Variants in PLCB4 observed in about 807,000 individuals in gnomAD.
PLCB4 encodes the protein phospholipase C beta 4.
Under a neutral mutation model 178.8 loss-of-function variants are expected in PLCB4, and 77 were observed. The ratio of observed to expected loss-of-function variants is 0.43; its 90% confidence interval spans 0.36 to 0.52. The LOEUF is 0.52. Ranked by LOEUF, PLCB4 falls within the 20% of genes least tolerant of loss-of-function variation. The pLI, the probability that PLCB4 is intolerant of heterozygous loss-of-function variation, is 0.00. For synonymous variants in PLCB4, 496 were observed against 490.8 expected (o/e 1.01, Z -0.14); for missense variants, 1,024 against 1,453.4 (o/e 0.70, Z 4.80).
In PLCB4 at chr20:9,431,590, C is replaced by A. The variant is rs151198966; in HGVS notation, c.2525-3970C>A. ...AAGCAATTCTCCTGCCTCAGCCTCC[C>A]GAGTAGCTGGGATTACAGGTGTGCA... On this transcript the variant is annotated intron_variant, in intron 28 of 39. Transcript: ENST00000378473. 9.0e-3 allele frequency among the ~76,000 whole-genome samples: 1,373 copies of A among 151,988 alleles called. 15 individuals are homozygous for A. The highest frequency in any genetic ancestry group is 0.031 in the African/African-American group (1,280 of 41,448).
chr20:9,276,388 G>C (rs922742638), intron 3 of PLCB4, among the ~76,000 whole-genome samples: 3 of 152,072 alleles, frequency 2.0e-5, no homozygotes, highest in African/African-American at 7.2e-5. Context: ...CCAGGACTCA[G>C]GTGTGGGGGC....
intron 2 of PLCB4, among the ~76,000 whole-genome samples, chr20:9,112,801 A>G (rs2091628053): frequency 6.6e-6 from 1 of 152,126 alleles, no homozygotes; most frequent in South Asian, 2.1e-4. Flanking sequence ...GGGATTCTTT[A>G]TAGAGAGTAT....
At chr20:9,222,243 C>T (rs2093809144) in intron 3 of PLCB4, among the ~76,000 whole-genome samples, 1 of 151,990 alleles carries the variant, frequency 6.6e-6, no homozygotes, top group African/African-American at 2.4e-5. Context: ...GTATGCACTA[C>T]CATACCTGGC....
At chr20:9,116,732 T>A (rs2091793087) in intron 2 of PLCB4, among the ~76,000 whole-genome samples, 1 of 152,112 alleles carries the variant, frequency 6.6e-6, no homozygotes, top group Non-Finnish European at 1.5e-5. Context: ...TGAAAAAAAA[T>A]CCCAGTGGAA....
At chr20:9,084,231 C>G (rs1226910307) in intron 1 of PLCB4, among the ~76,000 whole-genome samples, 1 of 151,974 alleles carries the variant, frequency 6.6e-6, no homozygotes, top group Admixed American at 6.6e-5. Context: ...TTCTTTTTTT[C>G]TACATGAATT....
At chr20:9,089,608 C>A (rs1442050909) in intron 1 of PLCB4, among the ~76,000 whole-genome samples, 2 of 152,072 alleles carry the variant, frequency 1.3e-5, no homozygotes, top group African/African-American at 4.8e-5. Flanking sequence ...TAATTCCTTT[C>A]ATGGCTAGAC....
At chr20:9,441,735 G>T (rs1345714502) in intron 30 of PLCB4, among the ~76,000 whole-genome samples, 2 of 152,060 alleles carry the variant, frequency 1.3e-5, no homozygotes, top group South Asian at 4.2e-4. Context: ...ATAAATTCTC[G>T]GCATTCAGAC....
At chr20:9,156,851 C>CCCTTCCTT (rs1281527899) in intron 2 of PLCB4, among the ~76,000 whole-genome samples, 96 of 88,860 alleles carry the variant, frequency 1.1e-3, no homozygotes, top group African/African-American at 2.5e-3. Context: ...CTCCCTCCCT[C>CCCTTCCTT]CCTTCCTTCC....
At chr20:9,459,555 T>C (rs2122440749) in intron 34 of PLCB4, 80 bp from the exon 35 acceptor site, 2 of 1,009,126 alleles carry the variant, frequency 2.0e-6, no homozygotes, top group Non-Finnish European at 2.9e-6. Flanking sequence ...GAACCTGAAA[T>C]ACCTGAATAA....
chr20:9,152,509 G>T (rs1331038615), intron 2 of PLCB4, among the ~76,000 whole-genome samples: 1 of 152,206 alleles, frequency 6.6e-6, no homozygotes, highest in Non-Finnish European at 1.5e-5. Flanking sequence ...CTAAGCCTTG[G>T]CAGCTTCCAT....
intron 9 of PLCB4, among the ~76,000 whole-genome samples, chr20:9,366,813 G>T (rs143178722): frequency 3.9e-5 from 6 of 152,284 alleles, no homozygotes; most frequent in African/African-American, 1.4e-4. Context: ...CTCTTCCAGG[G>T]TTCTCCAGAC....
intron 12 of PLCB4, among the ~76,000 whole-genome samples, chr20:9,377,304 C>T (rs2148330994): frequency 6.6e-6 from 1 of 152,150 alleles, no homozygotes; most frequent in African/African-American, 2.4e-5. Context: ...AACTTGTTTC[C>T]CCAAATCCTG....
intron 10 of PLCB4, among the ~76,000 whole-genome samples, 155 bp downstream of exon 10, chr20:9,371,450 C>A (rs2036246314): frequency 6.6e-6 from 1 of 151,904 alleles, no homozygotes; most frequent in African/African-American, 2.4e-5. Context: ...TTTCTTTCTT[C>A]TTCCTCCCTC....
intron 21 of PLCB4, among the ~76,000 whole-genome samples, chr20:9,407,383 T>G (rs1459754831): frequency 6.6e-6 from 1 of 151,990 alleles, no homozygotes; most frequent in Non-Finnish European, 1.5e-5. Flanking sequence ...TTTTTTTTTT[T>G]TTTTGAGATG....
intron 3 of PLCB4, among the ~76,000 whole-genome samples, chr20:9,275,938 C>A (rs1316005332): frequency 6.6e-6 from 1 of 151,978 alleles, no homozygotes; most frequent in African/African-American, 2.4e-5. Flanking sequence ...GAATTTGGAC[C>A]TAGCTGTTCT....
intron 7 of PLCB4, among the ~76,000 whole-genome samples, chr20:9,352,277 T>C (rs549963822): frequency 1.3e-5 from 2 of 152,366 alleles, no homozygotes; most frequent in Admixed American, 1.3e-4. Flanking sequence ...TAGGCATTAA[T>C]GTAAGTATAC....
rs112021065 is a variant in PLCB4 at position 9,315,969 on chromosome 20, T to C, written c.84+8071T>C. 2.9e-3 allele frequency among the ~76,000 whole-genome samples: 440 copies of C among 151,960 alleles called. 5 individuals are homozygous for C. The highest frequency in any genetic ancestry group is 9.6e-3 in the African/African-American group (397 of 41,486). On this transcript the variant is annotated intron_variant, in intron 4 of 39. Transcript: ENST00000378473. ...AAAAATTAAAAAAAAAGAGCCAGTT[T>C]GGCCAAGAACTAAGGGAAAAGCATT...
rs190518994 is a variant in PLCB4 at position 9,100,365 on chromosome 20, T to C, written c.-79+4023T>C. ...TGGAATAATAACAGGACAATTTAAT[T>C]TTATTTGTTATTGTTAATTTTTTTT... is the stretch of plus-strand genomic sequence containing the variant. On this transcript the variant is annotated intron_variant, in intron 2 of 39. Coordinates refer to ENST00000378473, the MANE Select transcript of PLCB4 (RefSeq NM_001377142.1). 3.9e-5 allele frequency among the ~76,000 whole-genome samples: 6 copies of C among 152,308 alleles called. No individual in the cohort carries two copies. In the East Asian group the frequency reaches 1.2e-3, roughly 29 times the overall value.
At chr20:9,106,550 C>T (rs2091371784) in intron 2 of PLCB4, among the ~76,000 whole-genome samples, 1 of 151,900 alleles carries the variant, frequency 6.6e-6, no homozygotes, top group African/African-American at 2.4e-5. Context: ...CACACACACA[C>T]ACACACACAC....
Sources: allele counts gnomAD v4.1 joint callset (sites outside exome capture counted in the v4.1 genomes callset), GRCh38; gene constraint gnomAD v4.1.1; transcripts MANE v1.5; gene names NCBI Gene and HGNC (gene_info 2026-07-23, HGNC 2026-07-21).